EYS: variants seen among roughly 807,000 people sequenced by gnomAD.
The protein encoded by EYS is protein eyes shut homolog.
EYS carries 250 observed loss-of-function variants against 282.1 expected under a neutral mutation model. The observed-to-expected ratio is 0.89, with a 90% CI of 0.80 to 0.98. The LOEUF (loss-of-function observed/expected upper bound fraction) is 0.98. Ranked by LOEUF, EYS falls within the 50% of genes least tolerant of loss-of-function variation. The pLI is 0.00. For synonymous variants in EYS, 1,355 were observed against 1,282.9 expected, an observed-to-expected ratio of 1.06 and a Z score of -1.20; for missense variants, 4,016 against 3,709.0, an observed-to-expected ratio of 1.08 and a Z score of -2.15.
At chr6:64,815,255 C>T in intron 21 of EYS, 1 of 460,918 alleles carries the variant, frequency 2.2e-6, no homozygotes, top group Non-Finnish European at 4.4e-6. Flanking sequence ...AAACCAAGAG[C>T]ACATAGTAGA....
intron 11 of EYS, among the ~76,000 whole-genome samples, chr6:65,318,965 CT>C (rs943631463): frequency 7.3e-5 from 11 of 151,250 alleles, no homozygotes; most frequent in Admixed American, 5.3e-4. Context: ...GTTGTGAATT[CT>C]ATTTTTTTCT....
chr6:65,397,505 T>C (rs1356052949), intron 7 of EYS, among the ~76,000 whole-genome samples: 1 of 151,984 alleles, frequency 6.6e-6, no homozygotes, highest in Non-Finnish European at 1.5e-5. Flanking sequence ...ATTTCACTTA[T>C]GATAATGGTC....
chr6:64,575,290 A>AG (rs989399271), intron 26 of EYS, among the ~76,000 whole-genome samples: 1 of 151,468 alleles, frequency 6.6e-6, no homozygotes, highest in African/African-American at 2.4e-5. Context: ...TTCAAAGAAA[A>AG]GGGAAAATAA....
intron 31 of EYS, among the ~76,000 whole-genome samples, chr6:64,141,658 A>G (rs1774341943): frequency 6.6e-6 from 1 of 152,248 alleles, no homozygotes; most frequent in Non-Finnish European, 1.5e-5. Flanking sequence ...ATATAATCAT[A>G]TAAGAATGGT....
At chr6:64,737,326 AG>A (rs1158760683) in intron 22 of EYS, among the ~76,000 whole-genome samples, 1 of 152,184 alleles carries the variant, frequency 6.6e-6, no homozygotes, top group Non-Finnish European at 1.5e-5. Flanking sequence ...GCTCTACTTT[AG>A]TAAAAGACCA....
intron 12 of EYS, among the ~76,000 whole-genome samples, chr6:65,141,687 CTAGA>C (rs1477214974): frequency 7.3e-6 from 1 of 137,250 alleles, no homozygotes; most frequent in East Asian, 2.2e-4. Context: ...ATCTATCTAT[CTAGA>C]AAGGAATGAA....
chr6:64,880,683 A>G (rs1443212257), intron 19 of EYS, among the ~76,000 whole-genome samples: 1 of 150,812 alleles, frequency 6.6e-6, no homozygotes, highest in Non-Finnish European at 1.5e-5. Context: ...ATTTCTTTTT[A>G]GAATTTTTCC....
chr6:63,794,580 A>G (rs1770596866), intron 37 of EYS, among the ~76,000 whole-genome samples: 1 of 152,200 alleles, frequency 6.6e-6, no homozygotes, highest in South Asian at 2.1e-4. Flanking sequence ...ACAGCCCATA[A>G]TAACATAAGC....
chr6:64,584,185 G>A (rs1202978032), intron 26 of EYS, among the ~76,000 whole-genome samples: 7 of 151,846 alleles, frequency 4.6e-5, no homozygotes, highest in Admixed American at 2.0e-4. Flanking sequence ...ATAGTAATAT[G>A]TAAAGCATGT....
intron 26 of EYS, among the ~76,000 whole-genome samples, chr6:64,497,782 T>C (rs986917619): frequency 6.6e-6 from 1 of 152,178 alleles, no homozygotes; most frequent in African/African-American, 2.4e-5. Flanking sequence ...CTGTTTTGAT[T>C]ATTTGTTTTC....
intron 22 of EYS, among the ~76,000 whole-genome samples, chr6:64,684,799 T>C (rs1276103985): frequency 1.3e-5 from 2 of 151,852 alleles, no homozygotes; most frequent in African/African-American, 4.8e-5. Context: ...TATAAAGATA[T>C]AGTCAATAGA....
intron 22 of EYS, among the ~76,000 whole-genome samples, chr6:64,750,569 G>C (rs1772713901): frequency 6.6e-6 from 1 of 152,048 alleles, no homozygotes; most frequent in South Asian, 2.1e-4. Context: ...AATGTGATCT[G>C]CATAAAGCTG....
intron 33 of EYS, among the ~76,000 whole-genome samples, chr6:64,056,524 C>T (rs1770990897): frequency 6.6e-6 from 1 of 152,186 alleles, no homozygotes; most frequent in Non-Finnish European, 1.5e-5. Flanking sequence ...CAAACTGGAA[C>T]TGTGTTTCTA....
chr6:64,148,695 C>G (rs920504441), intron 31 of EYS, among the ~76,000 whole-genome samples: 1 of 152,022 alleles, frequency 6.6e-6, no homozygotes. Context: ...TTGTCCTATA[C>G]TTTCTTTGTT....
intron 22 of EYS, among the ~76,000 whole-genome samples, chr6:64,636,879 A>G (rs1270082139): frequency 7.1e-6 from 1 of 139,958 alleles, no homozygotes. Context: ...GCAAATCGAA[A>G]CCACAATGAG....
intron 28 of EYS, among the ~76,000 whole-genome samples, chr6:64,409,712 G>C (rs1188711394): frequency 6.6e-6 from 1 of 152,148 alleles, no homozygotes; most frequent in Non-Finnish European, 1.5e-5. Flanking sequence ...TGAAACCTGA[G>C]TAAAGGTAAG....
At chr6:64,042,629 T>C (rs1477237115) in intron 33 of EYS, among the ~76,000 whole-genome samples, 2 of 152,220 alleles carry the variant, frequency 1.3e-5, no homozygotes, top group Non-Finnish European at 2.9e-5. Context: ...GATTCACTTC[T>C]TGTGACTGAA....
intron 36 of EYS, among the ~76,000 whole-genome samples, chr6:63,861,077 G>A (rs919397531): frequency 1.3e-5 from 2 of 152,192 alleles, no homozygotes; most frequent in South Asian, 2.1e-4. Context: ...ATATCCAATT[G>A]TCTACATATC....
At chr6:65,122,637 TG>T (rs1157413212) in intron 12 of EYS, among the ~76,000 whole-genome samples, 3 of 152,118 alleles carry the variant, frequency 2.0e-5, no homozygotes, top group Admixed American at 1.3e-4. Context: ...AACTGTCTTT[TG>T]ATGCCATAGT....
Sources: allele counts gnomAD v4.1 joint callset (sites outside exome capture counted in the v4.1 genomes callset), GRCh38; gene constraint gnomAD v4.1.1; transcripts MANE v1.5; gene names NCBI Gene and HGNC (gene_info 2026-07-23, HGNC 2026-07-21).